Variants in ZNF469 observed in about 807,000 individuals in gnomAD.
ZNF469 encodes the protein zinc finger protein 469.
ZNF469 carries 1 observed loss-of-function variant against 1.0 expected under a neutral mutation model. The observed-to-expected ratio is 1.00, with a 90% CI of 0.35 to 4.73. The LOEUF is 4.73. ZNF469 is among the 30% of genes most tolerant of loss of function. ZNF469 has a pLI of 0.16. For synonymous variants in ZNF469, 2,703 were observed against 2,363.4 expected, an observed-to-expected ratio of 1.14 and a Z score of -4.17; for missense variants, 6,100 against 5,356.3, an observed-to-expected ratio of 1.14 and a Z score of -4.33.
At chr16:88,393,038 G>A (rs112337135) in intron 1 of ZNF469, among the ~76,000 whole-genome samples, 2 of 152,272 alleles carry the variant, frequency 1.3e-5, no homozygotes, top group Admixed American at 6.5e-5. Flanking sequence ...AAATCCAGGC[G>A]TGTGTGGGTG....
chr16:88,152,560 C>G, the ZNF469 span, among the ~76,000 whole-genome samples: 1 of 152,186 alleles, frequency 6.6e-6, no homozygotes, highest in South Asian at 2.1e-4. This position sits in a 1 kb window ranked among gnomAD's most constrained non-coding sequence, Gnocchi z 4.2. Flanking sequence ...GTTGAGCCCC[C>G]CTGTGCCAGC....
intron 1 of ZNF469, among the ~76,000 whole-genome samples, chr16:88,418,603 C>T (rs1487566946): frequency 6.6e-6 from 1 of 151,990 alleles, no homozygotes; most frequent in African/African-American, 2.4e-5. Context: ...CCCCATGTGC[C>T]CCCTTATCTC....
Position 88,431,130 on chromosome 16 carries a change from C to T in ZNF469, c.3660C>T (p.Asp1220=). ...ETSEETRPSL[D]FPQEAKEPET... ...CAGAGGAAACCCGCCCGTCGCTGGA[C>T]TTTCCCCAGGAGGCCAAGGAGCCTG... is the stretch of plus-strand genomic sequence containing the variant. The change falls in exon 3 of 3, where the codon GAC becomes GAT. Residue 1220 remains aspartate, a synonymous_variant. Coordinates refer to ENST00000565624, the MANE Select transcript of ZNF469 (RefSeq NM_001367624.2). 6.5e-7 allele frequency: 1 copy of T among 1,550,290 alleles called. No homozygotes were observed. Among genetic ancestry groups the T allele is most frequent in the Non-Finnish European group, 8.7e-7 (1 of 1,146,958 alleles).
chr16:88,377,283 C>G, the ZNF469 span, among the ~76,000 whole-genome samples: 12 of 152,364 alleles, frequency 7.9e-5, no homozygotes, highest in African/African-American at 2.9e-4. Flanking sequence ...CAGAGCCTCA[C>G]AGAGGGTGGG....
the ZNF469 span, among the ~76,000 whole-genome samples, chr16:88,362,444 C>T: frequency 4.6e-5 from 7 of 152,176 alleles, no homozygotes; most frequent in African/African-American, 1.4e-4. Flanking sequence ...GGTCAGCTGC[C>T]GATGAAATTC....
At chr16:88,317,436 A>T in the ZNF469 span, among the ~76,000 whole-genome samples, 1 of 152,296 alleles carries the variant, frequency 6.6e-6, no homozygotes, top group Middle Eastern at 3.4e-3. Context: ...GAGCCTCGGA[A>T]CCTGGCTGGT....
At chr16:88,419,180 A>T (rs190649311) in intron 1 of ZNF469, among the ~76,000 whole-genome samples, 28 of 152,312 alleles carry the variant, frequency 1.8e-4, no homozygotes, top group South Asian at 1.5e-3. Context: ...CTCCACACCC[A>T]TCGGGGAGAG....
At chr16:88,381,156 AC>A (rs1312363310), upstream of ZNF469, among the ~76,000 whole-genome samples, 2 of 146,530 alleles carry the variant, frequency 1.4e-5, no homozygotes, top group African/African-American at 5.2e-5. Flanking sequence ...ACACTCACAC[AC>A]AGACACGCCC....
the ZNF469 span, among the ~76,000 whole-genome samples, chr16:88,143,949 C>T: frequency 6.6e-6 from 1 of 152,202 alleles, no homozygotes; most frequent in South Asian, 2.1e-4. Flanking sequence ...GCCCCTGGCT[C>T]TGGGCCTCCC....
rs549206392 is a variant in ZNF469, at chr16:88,426,426, C to G, written c.-126-919C>G. ...CACCTCGTGGCCACAGCCAATGGCT[C>G]GGGTCTGAGTCCTGTCCGCACAGAG... On this transcript the variant is annotated intron_variant, in intron 2 of 2. Transcript: ENST00000565624. 5.9e-5 allele frequency among the ~76,000 whole-genome samples: 9 copies of G among 152,366 alleles called. No homozygotes were observed. The South Asian group carries it at 1.9e-3, about 32-fold the overall frequency.
At chr16:88,270,883 T>TATTC in the ZNF469 span, among the ~76,000 whole-genome samples, 2 of 152,244 alleles carry the variant, frequency 1.3e-5, no homozygotes, top group Non-Finnish European at 2.9e-5. Context: ...TTCTATCATT[T>TATTC]ATTCATTCAT....
chr16:88,273,525 G>A, the ZNF469 span, among the ~76,000 whole-genome samples: 1 of 152,154 alleles, frequency 6.6e-6, no homozygotes, highest in African/African-American at 2.4e-5. Context: ...AGGACGTAGG[G>A]ACACTGGAAC....
At chr16:88,370,719 C>T in the ZNF469 span, among the ~76,000 whole-genome samples, 2 of 152,188 alleles carry the variant, frequency 1.3e-5, no homozygotes, top group Admixed American at 1.3e-4. Flanking sequence ...ATCCCCTCAG[C>T]TTGGAGACCA....
At chr16:88,188,200 C>A in the ZNF469 span, among the ~76,000 whole-genome samples, 1 of 152,116 alleles carries the variant, frequency 6.6e-6, no homozygotes, top group African/African-American at 2.4e-5. Context: ...CTTCCAAGGT[C>A]CAGATCACGT....
At chr16:88,145,077 T>C in the ZNF469 span, among the ~76,000 whole-genome samples, 1 of 151,958 alleles carries the variant, frequency 6.6e-6, no homozygotes, top group African/African-American at 2.4e-5. Context: ...CTCGAACTCC[T>C]GACCTCAAGT....
chr16:88,274,952 C>G, the ZNF469 span, among the ~76,000 whole-genome samples: 1 of 152,202 alleles, frequency 6.6e-6, no homozygotes, highest in East Asian at 1.9e-4. Flanking sequence ...CTTGGACACT[C>G]GCTCGCACAC....
chr16:88,434,214 C>A lies in ZNF469; in HGVS notation c.6744C>A (p.Ser2248Arg). 6.5e-7 allele frequency: 1 copy of A among 1,550,376 alleles called. No individual in the cohort carries two copies. Among genetic ancestry groups the A allele is most frequent in the Non-Finnish European group, 8.7e-7 (1 of 1,146,978 alleles). Residue 2248 changes from serine (S) to arginine (R), a missense_variant, in exon 3 of 3, where the codon AGC becomes AGA. Transcript: ENST00000565624. ...CTHSGDTPKD[S>R]TLRIPEDSRK... ...ACAGTGGGGACACCCCCAAAGACAG[C>A]ACTTTAAGAATTCCAGAGGATTCCA...
At chr16:88,239,691 ATATATATATATATATATATATATATT>A in the ZNF469 span, among the ~76,000 whole-genome samples, 10 of 6,302 alleles carry the variant, frequency 1.6e-3, no homozygotes, top group African/African-American at 1.9e-3. Context: ...ATATATATAT[ATATATATATATATATATATATATATT>A]TTTTTTTTTT....
At chr16:88,165,769 C>T in the ZNF469 span, among the ~76,000 whole-genome samples, 18 of 152,226 alleles carry the variant, frequency 1.2e-4, no homozygotes, top group African/African-American at 2.9e-4. Flanking sequence ...CCCACTACAC[C>T]CCGACTCCCC....
Sources: allele counts gnomAD v4.1 joint callset (sites outside exome capture counted in the v4.1 genomes callset), GRCh38; gene constraint gnomAD v4.1.1; non-coding constraint Gnocchi (gnomAD v3.1); transcripts MANE v1.5; gene names NCBI Gene and HGNC (gene_info 2026-07-23, HGNC 2026-07-21).